Variants in FAM227B observed in about 807,000 individuals in gnomAD.
FAM227B encodes protein FAM227B.
Under a neutral mutation model 73.8 loss-of-function variants are expected in FAM227B, and 88 were observed. The ratio of observed to expected loss-of-function variants is 1.19; its 90% CI spans 1.00 to 1.42. FAM227B has a LOEUF of 1.42. FAM227B is among the 40% of genes most tolerant of loss of function. FAM227B has a pLI of 0.00. For missense variants in FAM227B, 632 were observed against 590.9 expected, an observed-to-expected ratio of 1.07 and a Z score of -0.72; for synonymous variants, 210 against 190.5, an observed-to-expected ratio of 1.10 and a Z score of -0.84.
intron 11 of FAM227B, among the ~76,000 whole-genome samples, chr15:49,403,151 C>T (rs1205406271): frequency 6.6e-6 from 1 of 152,116 alleles, no homozygotes; most frequent in East Asian, 1.9e-4. Context: ...GGTGGATAAG[C>T]TTTTGGATGT....
intron 11 of FAM227B, among the ~76,000 whole-genome samples, chr15:49,415,838 C>A (rs563558552): frequency 1.3e-5 from 2 of 152,196 alleles, no homozygotes; most frequent in African/African-American, 4.8e-5. Flanking sequence ...AGGGTAAGCA[C>A]AAGTTTACAT....
At chr15:49,404,653 G>A (rs972506124) in intron 11 of FAM227B, among the ~76,000 whole-genome samples, 9 of 151,804 alleles carry the variant, frequency 5.9e-5, no homozygotes, top group Middle Eastern at 6.8e-3. Context: ...GACTATGGGT[G>A]TCATTGCATG....
At chr15:49,553,867 A>T (rs1396676417) in intron 9 of FAM227B, among the ~76,000 whole-genome samples, 1 of 152,156 alleles carries the variant, frequency 6.6e-6, no homozygotes, top group Non-Finnish European at 1.5e-5. Context: ...TGGGGACCCC[A>T]AGAGCACAGC....
intron 10 of FAM227B, among the ~76,000 whole-genome samples, chr15:49,518,518 G>A (rs775319759): frequency 2.4e-4 from 37 of 152,242 alleles, no homozygotes; most frequent in Admixed American, 3.3e-4. Flanking sequence ...AGTTTCACAC[G>A]GCTGGGGAGG....
intron 11 of FAM227B, among the ~76,000 whole-genome samples, chr15:49,390,359 G>A (rs914110149): frequency 3.9e-5 from 6 of 151,976 alleles, no homozygotes; most frequent in African/African-American, 1.4e-4. Flanking sequence ...TTTTACTAAT[G>A]TTTGTCACTA....
intron 10 of FAM227B, among the ~76,000 whole-genome samples, chr15:49,526,410 TA>T (rs2060207468): frequency 1.3e-5 from 2 of 151,852 alleles, no homozygotes; most frequent in South Asian, 4.2e-4. Context: ...GTGCTGAGAG[TA>T]AAGTTTACAG....
intron 11 of FAM227B, among the ~76,000 whole-genome samples, chr15:49,393,245 G>A (rs1248460190): frequency 2.0e-5 from 3 of 152,106 alleles, no homozygotes; most frequent in Non-Finnish European, 4.4e-5. Flanking sequence ...ACTTTCATGA[G>A]AGTTCAATGT....
intron 14 of FAM227B, among the ~76,000 whole-genome samples, chr15:49,333,269 T>C (rs537840147): frequency 2.6e-5 from 4 of 152,324 alleles, no homozygotes; most frequent in African/African-American, 4.8e-5. Flanking sequence ...CTCTTTCTGA[T>C]TGCCTTTCCT....
chr15:49,491,930 T>C (rs1386310509), intron 11 of FAM227B, among the ~76,000 whole-genome samples: 1 of 151,758 alleles, frequency 6.6e-6, no homozygotes, highest in Non-Finnish European at 1.5e-5. Context: ...AAAAAGTACT[T>C]AATACTATTA....
Position 49,541,675 on chromosome 15 carries a change from C to A in FAM227B, c.874+5G>T. On this transcript the variant is annotated splice_donor_5th_base_variant and intron_variant, in intron 10 of 15. Coordinates refer to ENST00000299338, the MANE Select transcript of FAM227B (RefSeq NM_152647.3). ...ATGATTAATATTTAAATGATATATT[C>A]ATACCTGAACACCAAAGAAAAATGT... The A allele has an allele frequency of 6.7e-7, 1 of 1,485,878 alleles. No individual in the cohort carries two copies. Among genetic ancestry groups the A allele is most frequent in the Non-Finnish European group, 8.9e-7 (1 of 1,120,336 alleles). The allele number at this position is 1,485,878 out of a possible 1,614,324, so 92.0% of individuals were successfully genotyped here.
At chr15:49,370,174 T>C (rs539129647) in intron 12 of FAM227B, among the ~76,000 whole-genome samples, 112 of 152,322 alleles carry the variant, frequency 7.4e-4, no homozygotes, top group African/African-American at 2.4e-3. Flanking sequence ...TGGTATTTTG[T>C]TCTGGCAGTC....
intron 9 of FAM227B, among the ~76,000 whole-genome samples, 186 bp downstream of exon 9, chr15:49,568,059 C>T (rs2074797225): frequency 6.6e-6 from 1 of 151,842 alleles, no homozygotes; most frequent in Non-Finnish European, 1.5e-5. Context: ...GACCTTGATG[C>T]CAGGGAATAC....
intron 12 of FAM227B, among the ~76,000 whole-genome samples, chr15:49,369,879 A>G: frequency 6.6e-6 from 1 of 152,214 alleles, no homozygotes. Flanking sequence ...TCCAGAAGAA[A>G]TACTTATAAA....
At chr15:49,502,316 GA>G (rs1265460277) in intron 11 of FAM227B, among the ~76,000 whole-genome samples, 1 of 152,212 alleles carries the variant, frequency 6.6e-6, no homozygotes, top group African/African-American at 2.4e-5. Context: ...AATAACCTGT[GA>G]GAGCAGCTGT....
chr15:49,420,949 A>G (rs2049576674), intron 11 of FAM227B, among the ~76,000 whole-genome samples: 1 of 152,124 alleles, frequency 6.6e-6, no homozygotes, highest in African/African-American at 2.4e-5. Context: ...TTTGTGATCC[A>G]TCCGCCTCGG....
At chr15:49,424,670 G>T in intron 11 of FAM227B, 2 of 1,070,278 alleles carry the variant, frequency 1.9e-6, no homozygotes, top group Non-Finnish European at 2.6e-6. Flanking sequence ...TCTTCCTTTT[G>T]CTTCTTGGAA....
intron 9 of FAM227B, among the ~76,000 whole-genome samples, chr15:49,552,194 G>A (rs1318194812): frequency 6.6e-6 from 1 of 152,110 alleles, no homozygotes; most frequent in Non-Finnish European, 1.5e-5. Context: ...AAATCCCTCA[G>A]CTTTTGTGTG....
intron 11 of FAM227B, among the ~76,000 whole-genome samples, chr15:49,421,380 T>C (rs2049612827): frequency 6.6e-6 from 1 of 152,240 alleles, no homozygotes; most frequent in African/African-American, 2.4e-5. Flanking sequence ...AGTTCCCTTG[T>C]TGATATTAAT....
intron 13 of FAM227B, chr15:49,365,490 C>T (rs536742237): frequency 3.5e-6 from 3 of 859,796 alleles, no homozygotes; most frequent in Non-Finnish European, 6.1e-6. Context: ...TGCACACACT[C>T]ATTACTGAGA....
Sources: allele counts gnomAD v4.1 joint callset (sites outside exome capture counted in the v4.1 genomes callset), GRCh38; gene constraint gnomAD v4.1.1; transcripts MANE v1.5; gene names NCBI Gene and HGNC (gene_info 2026-07-23, HGNC 2026-07-21).